The following SEMA5A variants were observed in gnomAD, a reference collection of about 807,000 sequenced individuals.
SEMA5A encodes the protein semaphorin 5A.
SEMA5A carries 55 observed loss-of-function variants against 135.5 expected under a neutral mutation model. The ratio of observed to expected loss-of-function variants is 0.41; its 90% confidence interval spans 0.33 to 0.51. SEMA5A has a LOEUF of 0.51. Ranked by LOEUF, SEMA5A falls within the 20% of genes least tolerant of loss-of-function variation. The pLI is 0.37. For synonymous variants in SEMA5A, 580 were observed against 546.5 expected (o/e 1.06, Z -0.85); for missense variants, 1,290 against 1,419.9 (o/e 0.91, Z 1.47).
chr5:9,044,670 C>A (rs770202192), intron 21 of SEMA5A, 86 bp from the exon 22 acceptor site: 16 of 1,162,506 alleles, frequency 1.4e-5, no homozygotes, highest in Non-Finnish European at 2.0e-5. Context: ...AAGAGAAAGT[C>A]AAAATGAAAA....
chr5:9,482,372 T>C lies in SEMA5A; in HGVS notation c.-174-44520A>G, dbSNP rs139120024. 1.9e-3 allele frequency among the ~76,000 whole-genome samples: 289 copies of C among 152,146 alleles called. 1 individual carries two copies. The highest frequency in any genetic ancestry group is 6.5e-3 in the African/African-American group (270 of 41,534). On this transcript the variant is annotated intron_variant, in intron 1 of 22. Transcript: ENST00000382496. Reference sequence around the variant, plus strand: ...GAGCAGCAGCTTACAGGAATGGAACTCAGAGCAAATAAATTTTGATTGAGA... The same window carrying C: ...GAGCAGCAGCTTACAGGAATGGAACCCAGAGCAAATAAATTTTGATTGAGA...
At chr5:9,345,959 G>A (rs762619584) in intron 3 of SEMA5A, among the ~76,000 whole-genome samples, 9 of 152,098 alleles carry the variant, frequency 5.9e-5, no homozygotes, top group Non-Finnish European at 1.2e-4. Flanking sequence ...ATTCTAGGTG[G>A]ACATGGGAGG....
chr5:9,507,591 G>A (rs1206658778), intron 1 of SEMA5A, among the ~76,000 whole-genome samples: 1 of 152,156 alleles, frequency 6.6e-6, no homozygotes, highest in African/African-American at 2.4e-5. Context: ...TTGAGATAAA[G>A]TCTCAGTCAG....
At chr5:9,500,085 T>C (rs1735507724) in intron 1 of SEMA5A, among the ~76,000 whole-genome samples, 1 of 152,234 alleles carries the variant, frequency 6.6e-6, no homozygotes, top group African/African-American at 2.4e-5. Flanking sequence ...GCGCAACATA[T>C]GCAATTAAGA....
intron 2 of SEMA5A, among the ~76,000 whole-genome samples, chr5:9,408,653 CG>C (rs1323042188): frequency 6.6e-6 from 1 of 151,908 alleles, no homozygotes; most frequent in Non-Finnish European, 1.5e-5. Context: ...CACAACACAA[CG>C]GTTACTATTA....
intron 8 of SEMA5A, among the ~76,000 whole-genome samples, chr5:9,218,750 G>A (rs1746770012): frequency 6.6e-6 from 1 of 152,198 alleles, no homozygotes; most frequent in Non-Finnish European, 1.5e-5. Flanking sequence ...CTAATGTTCT[G>A]GAAGTCACAA....
intron 11 of SEMA5A, among the ~76,000 whole-genome samples, chr5:9,166,369 C>T (rs1486017980): frequency 1.3e-5 from 2 of 152,118 alleles, no homozygotes; most frequent in Admixed American, 6.5e-5. Context: ...AGCGCAGATC[C>T]CTCATATCTC....
At chr5:9,132,730 A>G (rs1410976140) in intron 13 of SEMA5A, among the ~76,000 whole-genome samples, 1 of 152,238 alleles carries the variant, frequency 6.6e-6, no homozygotes, top group Non-Finnish European at 1.5e-5. Context: ...TGGGAGGGTC[A>G]CACACAAGAG....
intron 1 of SEMA5A, among the ~76,000 whole-genome samples, chr5:9,501,955 T>C (rs2126822705): frequency 6.6e-6 from 1 of 152,316 alleles, no homozygotes; most frequent in African/African-American, 2.4e-5. Flanking sequence ...ATTGTTCTAC[T>C]GTAATTACTA....
intron 1 of SEMA5A, among the ~76,000 whole-genome samples, chr5:9,507,751 T>C (rs1258873693): frequency 6.6e-6 from 1 of 152,078 alleles, no homozygotes; most frequent in Non-Finnish European, 1.5e-5. Context: ...TCGCCTGTAA[T>C]CCCAGCACTT....
At chr5:9,210,258 A>C (rs1024358174) in intron 8 of SEMA5A, among the ~76,000 whole-genome samples, 1 of 152,200 alleles carries the variant, frequency 6.6e-6, no homozygotes, top group African/African-American at 2.4e-5. Flanking sequence ...GCTTCCTCAC[A>C]TGACTGGAGA....
At position 9,387,465 on chromosome 5, in the gene SEMA5A, A is replaced by C. The variant is rs73052679; in HGVS notation, c.-77-7442T>G. On this transcript the variant is annotated intron_variant, in intron 2 of 22. Transcript: ENST00000382496. ...TTTATATTTATGAAATCGAAGTAGG[A>C]ATAGAAGCAAAGTCGTCAGAAACAA... 1.0e-2 allele frequency among the ~76,000 whole-genome samples: 1,520 copies of C among 152,318 alleles called. 38 individuals carry two copies. The highest frequency in any genetic ancestry group is 0.034 in the African/African-American group (1,396 of 41,552).
At chr5:9,448,439 G>A (rs1758513078) in intron 1 of SEMA5A, among the ~76,000 whole-genome samples, 1 of 152,192 alleles carries the variant, frequency 6.6e-6, no homozygotes, top group African/African-American at 2.4e-5. Flanking sequence ...CCCTAGCAGG[G>A]AGTTAGCCCC....
intron 1 of SEMA5A, among the ~76,000 whole-genome samples, chr5:9,498,988 T>C (rs576361123): frequency 2.0e-5 from 3 of 152,360 alleles, no homozygotes; most frequent in South Asian, 2.1e-4. Context: ...TGAAAATGTA[T>C]GAATGCTGCA....
At chr5:9,414,719 G>C (rs1257136687) in intron 2 of SEMA5A, among the ~76,000 whole-genome samples, 1 of 152,170 alleles carries the variant, frequency 6.6e-6, no homozygotes, top group Non-Finnish European at 1.5e-5. Flanking sequence ...AAAAGCATTA[G>C]TCATTTTACC....
At chr5:9,149,016 G>A (rs538907521) in intron 12 of SEMA5A, among the ~76,000 whole-genome samples, 9 of 152,152 alleles carry the variant, frequency 5.9e-5, no homozygotes, top group Admixed American at 1.3e-4. Context: ...CACCATGCCC[G>A]GCTGCCCCTT....
chr5:9,067,260 CAG>C (rs1737528446), intron 16 of SEMA5A, among the ~76,000 whole-genome samples: 1 of 152,194 alleles, frequency 6.6e-6, no homozygotes, highest in Non-Finnish European at 1.5e-5. Flanking sequence ...CTTGTAACCA[CAG>C]GTAGGAGGAT....
intron 1 of SEMA5A, among the ~76,000 whole-genome samples, chr5:9,469,709 T>C (rs1324926445): frequency 1.3e-5 from 2 of 152,230 alleles, no homozygotes; most frequent in Non-Finnish European, 2.9e-5. Context: ...TTCATGATTT[T>C]TTTTAATCTT....
At chr5:9,459,433 G>C (rs1479133465) in intron 1 of SEMA5A, among the ~76,000 whole-genome samples, 1 of 152,208 alleles carries the variant, frequency 6.6e-6, no homozygotes, top group Non-Finnish European at 1.5e-5. Context: ...AAATCCATAC[G>C]ACAAGGAAGT....
Sources: allele counts gnomAD v4.1 joint callset (sites outside exome capture counted in the v4.1 genomes callset), GRCh38; gene constraint gnomAD v4.1.1; transcripts MANE v1.5; gene names NCBI Gene and HGNC (gene_info 2026-07-23, HGNC 2026-07-21).